DCUN1D5: variants seen among roughly 807,000 people sequenced by gnomAD.
The protein encoded by DCUN1D5 is DCN1-like protein 5.
Under a neutral mutation model 38.3 loss-of-function variants are expected in DCUN1D5, and 10 were observed. That is an observed-to-expected ratio of 0.26 (90% CI 0.16 to 0.44). The LOEUF is 0.44. DCUN1D5 is among the 20% of genes least tolerant of loss of function. The pLI, the probability that DCUN1D5 is intolerant of heterozygous loss-of-function variation, is 1.00. For synonymous variants in DCUN1D5, 93 were observed against 90.9 expected (o/e 1.02, Z -0.13); for missense variants, 148 against 275.3 (o/e 0.54, Z 3.27).
chr11:103,089,140 G>A, intron 2 of DCUN1D5, 87 bp downstream of exon 2: 1 of 1,309,004 alleles, frequency 7.6e-7, no homozygotes, highest in Non-Finnish European at 1.1e-6. Flanking sequence ...CACATAGCAG[G>A]CCTGTAACAG....
Position 103,053,789 on chromosome 11 carries a change from A to G in DCUN1D5, c.*8570T>C, listed in dbSNP as rs1467696709. ...TGAAAAAAATGTATCTGAGTGGTTCAATTTTTCCATTTGACTCTACTATAT... is the reference window on the plus strand; with the variant it reads ...TGAAAAAAATGTATCTGAGTGGTTCGATTTTTCCATTTGACTCTACTATAT... On this transcript the variant is annotated 3_prime_UTR_variant, in exon 8 of 8. Transcript: ENST00000260247. This position sits in a 1 kb window ranked among gnomAD's most constrained non-coding sequence, Gnocchi z 4.8. 1 of 152,102 alleles carries G rather than the reference A, an allele frequency of 6.6e-6. No individual in the cohort carries two copies. The highest frequency in any genetic ancestry group is 2.4e-5 in the African/African-American group (1 of 41,442). The allele number at this position is 152,102 out of a possible 1,614,324, so 9.4% of individuals were successfully genotyped here.
intron 4 of DCUN1D5, among the ~76,000 whole-genome samples, chr11:103,070,543 C>T (rs372173040): frequency 2.6e-5 from 4 of 152,184 alleles, no homozygotes; most frequent in South Asian, 2.1e-4. Flanking sequence ...ATCCTATACA[C>T]GTTAAACAAT....
chr11:103,082,268 G>A (rs1862583893), intron 4 of DCUN1D5, among the ~76,000 whole-genome samples: 1 of 152,028 alleles, frequency 6.6e-6, no homozygotes, highest in Non-Finnish European at 1.5e-5. Flanking sequence ...TTCTACTTTT[G>A]TCCTTTATGA....
In DCUN1D5 at chr11:103,087,686, T is replaced by C. The variant is rs1412038445; in HGVS notation, c.178+1541A>G. Among the ~76,000 whole-genome samples the C allele has an allele frequency of 1.4e-4, 21 of 152,144 alleles. No individual in the cohort carries two copies. The highest frequency in any genetic ancestry group is 1.4e-3 in the Admixed American group (21 of 15,266). On this transcript the variant is annotated intron_variant, in intron 2 of 7. Coordinates refer to ENST00000260247, the MANE Select transcript of DCUN1D5 (RefSeq NM_032299.4). The surrounding 1 kb of genome is among the most constrained non-coding windows in gnomAD (Gnocchi z 4.1). ...TCGTAGTGGGAGGTGGTGATAATAC[T>C]ACCTACTTAATAGAACAGTCACAAG...
intron 4 of DCUN1D5, among the ~76,000 whole-genome samples, chr11:103,068,341 GGAATATAA>G (rs1439601678): frequency 5.9e-5 from 9 of 151,964 alleles, no homozygotes; most frequent in Admixed American, 1.3e-4. Context: ...TATACCCAGA[GGAATATAA>G]ATCATCCTAC....
intron 3 of DCUN1D5, 128 bp from the exon 4 acceptor site, chr11:103,082,967 G>T: frequency 1.4e-6 from 1 of 702,698 alleles, no homozygotes; most frequent in Non-Finnish European, 2.4e-6. Flanking sequence ...ACAACCTCTG[G>T]AATTATTAAC....
At chr11:103,079,310 G>A (rs1172425013) in intron 4 of DCUN1D5, among the ~76,000 whole-genome samples, 1 of 152,162 alleles carries the variant, frequency 6.6e-6, no homozygotes, top group African/African-American at 2.4e-5. Flanking sequence ...GTATTGTAAT[G>A]TTTTCCCTGA....
chr11:103,074,499 C>G (rs373446797), intron 4 of DCUN1D5, among the ~76,000 whole-genome samples: 1 of 152,122 alleles, frequency 6.6e-6, no homozygotes, highest in African/African-American at 2.4e-5. Flanking sequence ...TCCACCTCCC[C>G]GGTTCAAGCG....
At position 103,091,946 on chromosome 11, in the gene DCUN1D5, C is replaced by G. The variant is rs1351440468; in HGVS notation, c.-74G>C. 1 of 1,408,852 alleles carries G rather than the reference C, an allele frequency of 7.1e-7. No homozygotes were observed. 87.3% of individuals were successfully genotyped at this position (1,408,852 alleles called of 1,614,324 possible). On this transcript the variant is annotated 5_prime_UTR_variant, in exon 1 of 8. Coordinates refer to ENST00000260247, the MANE Select transcript of DCUN1D5 (RefSeq NM_032299.4). This position sits in a 1 kb window ranked among gnomAD's most constrained non-coding sequence, Gnocchi z 4.3. ...CCTGTCCGCTGGAAGCCCCTCAGCG[C>G]TGGCACCCAGTTCCCAGAGACAGCA... is the stretch of plus-strand genomic sequence containing the variant.
At chr11:103,084,837 A>G (rs1236646662) in intron 2 of DCUN1D5, among the ~76,000 whole-genome samples, 1 of 152,098 alleles carries the variant, frequency 6.6e-6, no homozygotes, top group Non-Finnish European at 1.5e-5. Flanking sequence ...GGAAAAAAAA[A>G]ATAGCCTTGT....
Position 103,062,441 on chromosome 11 carries a change from A to T in DCUN1D5, c.659-27T>A. The T allele has an allele frequency of 6.2e-7, 1 of 1,605,304 alleles. No homozygotes were observed. Among genetic ancestry groups the T allele is most frequent in the Non-Finnish European group, 8.5e-7 (1 of 1,174,124 alleles). On this transcript the variant is annotated intron_variant, in intron 7 of 7. Coordinates refer to ENST00000260247, the MANE Select transcript of DCUN1D5 (RefSeq NM_032299.4). This position sits in a 1 kb window ranked among gnomAD's most constrained non-coding sequence, Gnocchi z 4.6. ...TAGAAAAAAAGAAACCATTTTTGTC[A>T]GAATTCAGTGAACTCATCTCTCCAA...
intron 4 of DCUN1D5, among the ~76,000 whole-genome samples, chr11:103,081,327 ACT>A (rs1397493014): frequency 2.0e-5 from 3 of 152,164 alleles, no homozygotes; most frequent in African/African-American, 4.8e-5. Flanking sequence ...AGTAAAACAC[ACT>A]GAGTTGTATA....
At position 103,062,682 on chromosome 11, in the gene DCUN1D5, T is replaced by C. The variant is rs1862042800; in HGVS notation, c.659-268A>G. Among the ~76,000 whole-genome samples, 1 of 152,102 alleles carries C rather than the reference T, an allele frequency of 6.6e-6. No homozygotes were observed. Among genetic ancestry groups the C allele is most frequent in the Non-Finnish European group, 1.5e-5 (1 of 67,988 alleles). On this transcript the variant is annotated intron_variant, in intron 7 of 7. Coordinates refer to ENST00000260247, the MANE Select transcript of DCUN1D5 (RefSeq NM_032299.4). This position sits in a 1 kb window ranked among gnomAD's most constrained non-coding sequence, Gnocchi z 4.6. ...TCCAGTAACTGAGTCAATACAAATC[T>C]CTCCCTTTTTCTAAGTGTCCATAGC...
In DCUN1D5 at chr11:103,091,979, G is replaced by C. The variant is rs763455394; in HGVS notation, c.-107C>G. 41 of 1,071,352 alleles carry C rather than the reference G, an allele frequency of 3.8e-5. No individual in the cohort carries two copies. Among genetic ancestry groups the C allele is most frequent in the Non-Finnish European group, 5.1e-5 (39 of 760,044 alleles). The allele number at this position is 1,071,352 out of a possible 1,614,324, so 66.4% of individuals were successfully genotyped here. On this transcript the variant is annotated 5_prime_UTR_variant, in exon 1 of 8. Coordinates refer to ENST00000260247, the MANE Select transcript of DCUN1D5 (RefSeq NM_032299.4). The surrounding 1 kb of genome is among the most constrained non-coding windows in gnomAD (Gnocchi z 4.3). ...CAGTTCCCAGAGACAGCAGCAAGCG[G>C]AGGAGCAGAGTCGCCAGCCCGCACC...
chr11:103,051,380 T>C lies in DCUN1D5; in HGVS notation c.*10979A>G, dbSNP rs1861725835. 6.6e-6 allele frequency: 1 copy of C among 152,102 alleles called. No individual in the cohort carries two copies. The highest frequency in any genetic ancestry group is 6.6e-5 in the Admixed American group (1 of 15,266). 9.4% of individuals were successfully genotyped at this position (152,102 alleles called of 1,614,324 possible). A position where few individuals can be genotyped will look rare whatever the true frequency, so the allele number is the denominator to read the frequency against. ...GCTTCTTCTGACAAGGCAGCAACCTTAGAAATGATATCAGCATGAAAAGTT... is the reference window on the plus strand; with the variant it reads ...GCTTCTTCTGACAAGGCAGCAACCTCAGAAATGATATCAGCATGAAAAGTT... On this transcript the variant is annotated 3_prime_UTR_variant, in exon 8 of 8. Coordinates refer to ENST00000260247, the MANE Select transcript of DCUN1D5 (RefSeq NM_032299.4).
At position 103,077,973 on chromosome 11, in the gene DCUN1D5, C is replaced by G. The variant is rs1206066437; in HGVS notation, c.341+4775G>C. On this transcript the variant is annotated intron_variant, in intron 4 of 7. Transcript: ENST00000260247. This position sits in a 1 kb window ranked among gnomAD's most constrained non-coding sequence, Gnocchi z 4.3. ...AAATGAATGACAGTCACATCACACA[C>G]GATGGCATTTCATTTACTCTCCTCT... 6.6e-6 allele frequency among the ~76,000 whole-genome samples: 1 copy of G among 151,998 alleles called. No homozygotes were observed. The highest frequency in any genetic ancestry group is 2.4e-5 in the African/African-American group (1 of 41,362).
Position 103,064,788 on chromosome 11 carries a change from G to GA in DCUN1D5, c.556-412dup, listed in dbSNP as rs1862094686. 6.6e-6 allele frequency among the ~76,000 whole-genome samples: 1 copy of GA among 152,144 alleles called. No homozygotes were observed. Among genetic ancestry groups the GA allele is most frequent in the Non-Finnish European group, 1.5e-5 (1 of 68,024 alleles). On this transcript the variant is annotated intron_variant, in intron 6 of 7. Transcript: ENST00000260247. The surrounding 1 kb of genome is among the most constrained non-coding windows in gnomAD (Gnocchi z 4.5). ...GAGTTTGGCATCTTTGGAAACAAGT[G>GA]AAAGAGTATAGGCTTCGATTTAAAT...
In DCUN1D5 at chr11:103,061,303, A is replaced by G. The variant is rs192516117; in HGVS notation, c.*1056T>C. Among the ~76,000 whole-genome samples, 16 of 152,296 alleles carry G rather than the reference A, an allele frequency of 1.1e-4. No homozygotes were observed. Among genetic ancestry groups the G allele is most frequent in the Admixed American group, 2.0e-4 (3 of 15,296 alleles). Reference sequence around the variant, plus strand: ...GGCTATGAATATGAACAAAGTTTTCATATCACTGGGATACTGGATGGTTTG... The same window carrying G: ...GGCTATGAATATGAACAAAGTTTTCGTATCACTGGGATACTGGATGGTTTG... On this transcript the variant is annotated 3_prime_UTR_variant, in exon 8 of 8. Coordinates refer to ENST00000260247, the MANE Select transcript of DCUN1D5 (RefSeq NM_032299.4).
In DCUN1D5 at chr11:103,064,375, T is replaced by C. The variant is rs1862084450; in HGVS notation, c.558A>G (p.Gln186=). ...CTTTGTTCATAACACGATACTTTGA[T>C]TGCTGCAAAAATGATTTAAATATTT... ...LFSVFYQYLE[Q]SKYRVMNKDQ... Residue 186 remains glutamine (Q), a splice_region_variant and synonymous_variant, in exon 7 of 8, where the codon CAA becomes CAG. Transcript: ENST00000260247. This position sits in a 1 kb window ranked among gnomAD's most constrained non-coding sequence, Gnocchi z 4.5. The C allele has an allele frequency of 3.8e-6, 6 of 1,587,246 alleles. No homozygotes were observed. Among genetic ancestry groups the C allele is most frequent in the South Asian group, 2.3e-5 (2 of 85,416 alleles).
Sources: allele counts gnomAD v4.1 joint callset (sites outside exome capture counted in the v4.1 genomes callset), GRCh38; gene constraint gnomAD v4.1.1; non-coding constraint Gnocchi (gnomAD v3.1); transcripts MANE v1.5; gene names NCBI Gene and HGNC (gene_info 2026-07-23, HGNC 2026-07-21).